WDR7: variants seen among roughly 807,000 people sequenced by gnomAD.
The protein encoded by WDR7 is WD repeat-containing protein 7.
A neutral mutation model predicts 169.4 loss-of-function variants in WDR7; 46 were observed. The observed-to-expected ratio is 0.27, with a 90% CI of 0.21 to 0.35. WDR7 has a LOEUF of 0.35. Ranked by LOEUF, WDR7 falls within the 10% of genes least tolerant of loss-of-function variation. The probability of loss-of-function intolerance (pLI) is 1.00; values close to 1 mark genes in which losing one functional copy is unlikely to be tolerated. For synonymous variants in WDR7, 612 were observed against 666.8 expected (o/e 0.92, Z 1.27); for missense variants, 1,534 against 1,859.3 (o/e 0.83, Z 3.22).
chr18:57,033,148 C>T (rs148471859), downstream of WDR7: 231 of 152,178 alleles, frequency 1.5e-3, no homozygotes, highest in African/African-American at 5.2e-3. Context: ...ACAATCTCAC[C>T]AAGCACCATA....
intron 25 of WDR7, among the ~76,000 whole-genome samples, chr18:56,952,286 T>C (rs1361379939): frequency 2.0e-5 from 3 of 152,222 alleles, no homozygotes; most frequent in East Asian, 3.8e-4. Flanking sequence ...ATCACTCGAC[T>C]TCAGTTTCCT....
At chr18:56,750,049 C>CA (rs781207756) in intron 14 of WDR7, among the ~76,000 whole-genome samples, 9 of 151,296 alleles carry the variant, frequency 5.9e-5, no homozygotes, top group Non-Finnish European at 8.9e-5. Context: ...GTTTATGTGC[C>CA]AAAAAATATC....
At chr18:56,871,583 AG>A (rs1423576595) in intron 20 of WDR7, among the ~76,000 whole-genome samples, 1 of 152,160 alleles carries the variant, frequency 6.6e-6, no homozygotes, top group Non-Finnish European at 1.5e-5. Flanking sequence ...TTAAAAGTAA[AG>A]AAACACTTTT....
At chr18:57,010,421 G>A (rs1332036482) in intron 26 of WDR7, 2 of 399,028 alleles carry the variant, frequency 5.0e-6, no homozygotes, top group Non-Finnish European at 6.8e-6. Flanking sequence ...GTATGGCTGT[G>A]TAATTATATT....
intron 22 of WDR7, among the ~76,000 whole-genome samples, chr18:56,935,003 C>T (rs2046938569): frequency 6.6e-6 from 1 of 152,008 alleles, no homozygotes; most frequent in African/African-American, 2.4e-5. Flanking sequence ...AGCTTGGAAA[C>T]AAGAATATTG....
intron 26 of WDR7, among the ~76,000 whole-genome samples, chr18:56,991,528 G>T (rs574678773): frequency 6.6e-6 from 1 of 152,246 alleles, no homozygotes; most frequent in East Asian, 1.9e-4. Context: ...ACTAGAGATT[G>T]CCTAACCCTG....
Position 57,028,416 on chromosome 18 carries a change from GA to G in WDR7, c.*1216del, listed in dbSNP as rs1400957397. On this transcript the variant is annotated 3_prime_UTR_variant, in exon 28 of 28. Coordinates refer to ENST00000254442, the MANE Select transcript of WDR7 (RefSeq NM_015285.3). ...TGTGCTGGTTCTAGCTCATAATAAT[GA>G]AAAAAATAGAATTATATTTTGTATG... 1 of 151,920 alleles carries G rather than the reference GA, an allele frequency of 6.6e-6. No homozygotes were observed. The highest frequency in any genetic ancestry group is 2.4e-5 in the African/African-American group (1 of 41,340). 9.4% of individuals were successfully genotyped at this position (151,920 alleles called of 1,614,324 possible).
intron 19 of WDR7, among the ~76,000 whole-genome samples, chr18:56,811,099 G>A (rs1368247333): frequency 6.6e-6 from 1 of 152,090 alleles, no homozygotes; most frequent in African/African-American, 2.4e-5. Context: ...ATTTATTCAT[G>A]CCATAGCATG....
Position 56,880,254 on chromosome 18 carries a change from G to A in WDR7, c.3526+89G>A, listed in dbSNP as rs2046086689. The A allele has an allele frequency of 3.1e-6, 4 of 1,286,428 alleles. No individual in the cohort carries two copies. The East Asian group carries it at 1.0e-4, about 32-fold the overall frequency. The allele number at this position is 1,286,428 out of a possible 1,614,324, so 79.7% of individuals were successfully genotyped here. A position where few individuals can be genotyped will look rare whatever the true frequency, so the allele number is the denominator to read the frequency against. ...TCTCATAACATTGACTATATCCTGA[G>A]TTTTAGCTCATTTAGATTGCTTGCG... On this transcript the variant is annotated intron_variant, in intron 21 of 27. Transcript: ENST00000254442.
intron 20 of WDR7, among the ~76,000 whole-genome samples, chr18:56,843,059 G>T (rs115277164): frequency 6.6e-6 from 1 of 152,080 alleles, no homozygotes; most frequent in Non-Finnish European, 1.5e-5. Flanking sequence ...GATTCATCCC[G>T]TTACCTCTGA....
chr18:56,878,541 C>T (rs1168658998), intron 20 of WDR7, among the ~76,000 whole-genome samples: 1 of 152,076 alleles, frequency 6.6e-6, no homozygotes, highest in Non-Finnish European at 1.5e-5. Context: ...ACTCAATGAA[C>T]AATCTTTCTA....
chr18:56,800,953 G>A (rs1275930064), intron 19 of WDR7, among the ~76,000 whole-genome samples: 2 of 152,146 alleles, frequency 1.3e-5, no homozygotes, highest in Admixed American at 6.5e-5. Context: ...TCTGGGTCCT[G>A]TGAGTGGACA....
intron 26 of WDR7, among the ~76,000 whole-genome samples, chr18:57,008,762 C>T (rs1281813586): frequency 6.6e-6 from 1 of 152,190 alleles, no homozygotes; most frequent in Non-Finnish European, 1.5e-5. Flanking sequence ...TGCACCATAC[C>T]ATAGTCGCTT....
chr18:56,983,805 G>A (rs1406175953), intron 26 of WDR7, among the ~76,000 whole-genome samples: 1 of 152,132 alleles, frequency 6.6e-6, no homozygotes, highest in Non-Finnish European at 1.5e-5. Flanking sequence ...AAACAAGATA[G>A]TCTCTTATCA....
At chr18:56,914,021 C>A (rs1359410889) in intron 21 of WDR7, among the ~76,000 whole-genome samples, 1 of 152,144 alleles carries the variant, frequency 6.6e-6, no homozygotes, top group African/African-American at 2.4e-5. Flanking sequence ...ACAAGTTTCT[C>A]ATGACACTTA....
rs373185290 is a variant in WDR7, at chr18:56,789,234, G to A, written c.3190+7578G>A. 4.1e-4 allele frequency among the ~76,000 whole-genome samples: 62 copies of A among 152,262 alleles called. 1 individual carries two copies. The South Asian group carries it at 0.012, about 30-fold the overall frequency. On this transcript the variant is annotated intron_variant, in intron 19 of 27. Coordinates refer to ENST00000254442, the MANE Select transcript of WDR7 (RefSeq NM_015285.3). ...CTTTGAGTTAACATTTAATATTCTC[G>A]TGAGTTTTCTTTTATCTTTTTAATA...
At chr18:56,758,606 T>A (rs1382486678) in intron 15 of WDR7, among the ~76,000 whole-genome samples, 1 of 152,080 alleles carries the variant, frequency 6.6e-6, no homozygotes, top group Admixed American at 6.5e-5. Context: ...TTAAGTATGA[T>A]GTTAGAAAAT....
chr18:56,975,214 C>T (rs983480834), intron 26 of WDR7, among the ~76,000 whole-genome samples: 6 of 150,116 alleles, frequency 4.0e-5, no homozygotes, highest in African/African-American at 1.5e-4. Flanking sequence ...CCAGCCTAGG[C>T]GACAGAGCAA....
chr18:56,774,657 T>A (rs1194570890), intron 16 of WDR7, among the ~76,000 whole-genome samples: 1 of 152,176 alleles, frequency 6.6e-6, no homozygotes, highest in African/African-American at 2.4e-5. Context: ...TTTCTGCTAA[T>A]TGCTGATTTT....
Sources: allele counts gnomAD v4.1 joint callset (sites outside exome capture counted in the v4.1 genomes callset), GRCh38; gene constraint gnomAD v4.1.1; transcripts MANE v1.5; gene names NCBI Gene and HGNC (gene_info 2026-07-23, HGNC 2026-07-21).